Variants in RANBP2 observed in about 807,000 individuals in gnomAD.
RANBP2 encodes the protein RAN binding protein 2, also known as E3 SUMO-protein ligase RanBP2.
In RANBP2, 57 loss-of-function variants were observed where a neutral mutation model predicts 303.6. That is an observed-to-expected ratio of 0.19 (90% CI 0.15 to 0.23). The LOEUF (loss-of-function observed/expected upper bound fraction) is 0.23, where lower values mean the gene tolerates loss of function less well. RANBP2 is among the 10% of genes least tolerant of loss of function. The probability of loss-of-function intolerance (pLI) is 1.00; values close to 1 mark genes in which losing one functional copy is unlikely to be tolerated. For synonymous variants in RANBP2, 1,167 were observed against 1,301.5 expected (o/e 0.90, Z 2.23); for missense variants, 3,138 against 3,780.8 (o/e 0.83, Z 4.46).
the RANBP2 span, among the ~76,000 whole-genome samples, chr2:109,373,181 G>A: frequency 3.3e-5 from 5 of 152,188 alleles, no homozygotes; most frequent in African/African-American, 1.2e-4. Context: ...AAGTTTCCAT[G>A]TATTTGCACA....
At chr2:109,289,656 A>T in the RANBP2 span, among the ~76,000 whole-genome samples, 2 of 152,162 alleles carry the variant, frequency 1.3e-5, no homozygotes, top group Non-Finnish European at 2.9e-5. Context: ...ATCCTATTCC[A>T]TGGCTCTCTG....
chr2:109,316,483 C>A, the RANBP2 span, among the ~76,000 whole-genome samples: 1 of 152,036 alleles, frequency 6.6e-6, no homozygotes, highest in South Asian at 2.1e-4. Context: ...ACAAGGTAGC[C>A]CATGACATGG....
chr2:109,765,829 A>G, the RANBP2 span, among the ~76,000 whole-genome samples: 2 of 150,922 alleles, frequency 1.3e-5, no homozygotes, highest in African/African-American at 4.9e-5. Flanking sequence ...GCCAGGGGAC[A>G]TGCGCAGGCC....
At chr2:109,007,561 G>A in the RANBP2 span, among the ~76,000 whole-genome samples, 1 of 152,194 alleles carries the variant, frequency 6.6e-6, no homozygotes, top group Non-Finnish European at 1.5e-5. Context: ...GCCTGGGGCT[G>A]TTCCACAGAT....
intron 12 of RANBP2, 56 bp downstream of exon 12, chr2:108,752,050 A>G: frequency 1.2e-6 from 2 of 1,604,060 alleles, no homozygotes; most frequent in Admixed American, 3.4e-5. Flanking sequence ...TTTTAAAATC[A>G]TGAACTTTTT....
At chr2:109,384,301 T>C in the RANBP2 span, among the ~76,000 whole-genome samples, 35 of 152,088 alleles carry the variant, frequency 2.3e-4, no homozygotes, top group Non-Finnish European at 5.0e-4. Context: ...CTGGAGGGGA[T>C]TCTACTCTCC....
chr2:108,898,400 G>A, the RANBP2 span, among the ~76,000 whole-genome samples: 31 of 152,162 alleles, frequency 2.0e-4, no homozygotes, highest in Non-Finnish European at 4.3e-4. Flanking sequence ...TGGGGAATTT[G>A]GATGTCTACC....
chr2:109,042,746 T>C, the RANBP2 span, among the ~76,000 whole-genome samples: 1 of 152,224 alleles, frequency 6.6e-6, no homozygotes, highest in African/African-American at 2.4e-5. Flanking sequence ...AGTCCACATC[T>C]AGTCCACATA....
the RANBP2 span, among the ~76,000 whole-genome samples, chr2:109,638,763 G>C: frequency 6.6e-6 from 1 of 152,018 alleles, no homozygotes; most frequent in African/African-American, 2.4e-5. Context: ...CTCATTCATG[G>C]GGGCTTGATC....
chr2:109,441,282 AG>A, the RANBP2 span, among the ~76,000 whole-genome samples: 1 of 152,226 alleles, frequency 6.6e-6, no homozygotes, highest in Non-Finnish European at 1.5e-5. Context: ...AAATTGACAT[AG>A]ATGTTGCAAA....
At chr2:108,843,961 G>A in the RANBP2 span, among the ~76,000 whole-genome samples, 13 of 146,648 alleles carry the variant, frequency 8.9e-5, no homozygotes, top group African/African-American at 3.3e-4. Context: ...CACAATCACG[G>A]CTCACTGCAG....
At chr2:109,263,733 G>C in the RANBP2 span, among the ~76,000 whole-genome samples, 296 of 152,302 alleles carry the variant, frequency 1.9e-3, no homozygotes, top group Non-Finnish European at 3.6e-3. Flanking sequence ...TTGGGAGGCC[G>C]AGGTGGGCAG....
At chr2:109,097,597 C>T in the RANBP2 span, among the ~76,000 whole-genome samples, 1 of 151,326 alleles carries the variant, frequency 6.6e-6, no homozygotes, top group African/African-American at 2.4e-5. Context: ...TGTCTTTTGG[C>T]TACCATAGTT....
At chr2:109,170,292 CTCTTCTCTTCTCTTCTCTT>C in the RANBP2 span, among the ~76,000 whole-genome samples, 18 of 130,316 alleles carry the variant, frequency 1.4e-4, 1 homozygote, top group East Asian at 2.6e-3. Flanking sequence ...CTCTTCTCTT[CTCTTCTCTTCTCTTCTCTT>C]CTCTCCTCTC....
chr2:109,317,949 C>T, the RANBP2 span, among the ~76,000 whole-genome samples: 14 of 152,178 alleles, frequency 9.2e-5, no homozygotes, highest in African/African-American at 2.9e-4. Context: ...ACAACTCTGC[C>T]GCTTGTCCTG....
chr2:109,171,846 A>G, the RANBP2 span, among the ~76,000 whole-genome samples: 2 of 152,152 alleles, frequency 1.3e-5, no homozygotes, highest in African/African-American at 4.8e-5. Context: ...AGGAATGAAG[A>G]TGTTCTATTT....
the RANBP2 span, among the ~76,000 whole-genome samples, chr2:109,449,862 C>T: frequency 6.6e-6 from 1 of 152,170 alleles, no homozygotes; most frequent in East Asian, 1.9e-4. Context: ...AATAAATATA[C>T]AAATCTACGT....
chr2:109,150,551 G>C, the RANBP2 span, among the ~76,000 whole-genome samples: 1 of 152,188 alleles, frequency 6.6e-6, no homozygotes, highest in Non-Finnish European at 1.5e-5. Context: ...GGTATAGATA[G>C]GTGCTATGAT....
chr2:108,754,042 T>C lies in RANBP2; in HGVS notation c.2202+71T>C, dbSNP rs1185907144. ...GGTCAATGTTTTTGCGTTGGTCTTA[T>C]ATTTTGGTAATTTCAAAAATACTCA... On this transcript the variant is annotated intron_variant, in intron 15 of 28. Coordinates refer to ENST00000283195, the MANE Select transcript of RANBP2 (RefSeq NM_006267.5). The C allele has an allele frequency of 5.0e-6, 8 of 1,610,660 alleles. No homozygotes were observed. In the Admixed American group the frequency reaches 1.0e-4, roughly 20 times the overall value.
Sources: gnomAD v4.1 joint callset for allele counts (sites outside exome capture counted in the v4.1 genomes callset) on GRCh38, gnomAD v4.1.1 for gene constraint, MANE v1.5 for transcripts, NCBI Gene and HGNC (gene_info 2026-07-23, HGNC 2026-07-21) for gene names.